SERPINA9: variants seen among roughly 807,000 people sequenced by gnomAD.
SERPINA9 encodes serpin family A member 9.
A neutral mutation model predicts 24.5 loss-of-function variants in SERPINA9; 32 were observed. That is an observed-to-expected ratio of 1.30 (90% confidence interval 0.98 to 1.75). SERPINA9 has a LOEUF of 1.75. Ranked by LOEUF, SERPINA9 falls within the 40% of genes most tolerant of loss-of-function variation. SERPINA9 has a pLI of 0.00. For synonymous variants in SERPINA9, 233 were observed against 197.7 expected (o/e 1.18, Z -1.50); for missense variants, 594 against 497.1 (o/e 1.19, Z -1.85).
rs148074757 is a variant in SERPINA9, at chr14:94,464,015, A to T, written c.1050+692T>A. On this transcript the variant is annotated intron_variant, in intron 4 of 4. Coordinates refer to ENST00000674397, the MANE Select transcript of SERPINA9 (RefSeq NM_175739.4). ...AAAATAAAATTTTAGGTCAGGGATC[A>T]GTAACCCATATGTGTGCAGGGGCTA... 2.6e-5 allele frequency among the ~76,000 whole-genome samples: 4 copies of T among 152,342 alleles called. No homozygotes were observed. In the East Asian group the frequency reaches 7.7e-4, roughly 29 times the overall value.
chr14:94,475,709 C>G (rs1899586814), intron 1 of SERPINA9, among the ~76,000 whole-genome samples: 1 of 152,272 alleles, frequency 6.6e-6, no homozygotes, highest in East Asian at 1.9e-4. Flanking sequence ...CCTCTCTTTT[C>G]TGCACTTAAA....
At chr14:94,475,810 A>G (rs1899602715) in intron 1 of SERPINA9, 2 of 435,436 alleles carry the variant, frequency 4.6e-6, no homozygotes, top group South Asian at 4.8e-5. Context: ...ACACAACAAC[A>G]AAAACACTCC....
intron 1 of SERPINA9, among the ~76,000 whole-genome samples, chr14:94,471,703 G>C (rs1899325444): frequency 6.6e-6 from 1 of 151,834 alleles, no homozygotes; most frequent in African/African-American, 2.4e-5. Flanking sequence ...GTTCTGAACT[G>C]ACCTCCAGAG....
At chr14:94,463,653 G>C (rs922383247) in intron 4 of SERPINA9, among the ~76,000 whole-genome samples, 1 of 152,210 alleles carries the variant, frequency 6.6e-6, no homozygotes, top group Non-Finnish European at 1.5e-5. Context: ...AATTAAGAGA[G>C]ATCATACAAA....
intron 1 of SERPINA9, among the ~76,000 whole-genome samples, chr14:94,475,390 T>C: frequency 6.6e-6 from 1 of 152,238 alleles, no homozygotes; most frequent in Non-Finnish European, 1.5e-5. Flanking sequence ...CTGCTACATG[T>C]GTGCTACATA....
chr14:94,471,724 C>G (rs900132906), intron 1 of SERPINA9, among the ~76,000 whole-genome samples: 3 of 149,242 alleles, frequency 2.0e-5, no homozygotes, highest in Non-Finnish European at 4.5e-5. Flanking sequence ...CTGCCCCCAC[C>G]CTGAGTGCCC....
chr14:94,464,336 C>G, intron 4 of SERPINA9: 1 of 263,004 alleles, frequency 3.8e-6, no homozygotes. Context: ...CACTGAAGGC[C>G]AGACAACACA....
chr14:94,474,390 TC>T (rs1239582055), intron 1 of SERPINA9, among the ~76,000 whole-genome samples: 1 of 152,120 alleles, frequency 6.6e-6, no homozygotes. Context: ...ATGTCCTGAG[TC>T]ATCGATGGTA....
At position 94,467,326 on chromosome 14, in the gene SERPINA9, C is replaced by A. The variant is rs1246870922; in HGVS notation, c.685G>T (p.Val229Leu). ...EYTRKNFPFL[V>L]GEQVTVHVPM... is the part of the protein sequence containing the mutation. Reference sequence around the variant, plus strand: ...ACATGCACAGTGACCTGCTCGCCCACCAGGAATGGGAAGTTCTTTCTTGTA... The same window carrying A: ...ACATGCACAGTGACCTGCTCGCCCAACAGGAATGGGAAGTTCTTTCTTGTA... The change falls in exon 3 of 5, where the codon GTG (valine) becomes TTG (leucine). Residue 229 changes from valine (V) to leucine (L), a missense_variant. Physicochemically the swap from Val to Leu is conservative, Grantham distance 32. Coordinates refer to ENST00000674397, the MANE Select transcript of SERPINA9 (RefSeq NM_175739.4). 2.5e-6 allele frequency: 4 copies of A among 1,613,862 alleles called. No individual in the cohort carries two copies. The highest frequency in any genetic ancestry group is 2.7e-5 in the African/African-American group (2 of 74,926).
intron 2 of SERPINA9, among the ~76,000 whole-genome samples, chr14:94,467,904 AATGGATGCATGG>A (rs1899092408): frequency 8.6e-6 from 1 of 115,842 alleles, no homozygotes; most frequent in African/African-American, 3.4e-5. Context: ...TAGGTGGATG[AATGGATGCATGG>A]ATGGATGGAT....
At chr14:94,476,026 A>C (rs577007824) in intron 1 of SERPINA9, 110 bp downstream of exon 1, 3 of 1,537,022 alleles carry the variant, frequency 2.0e-6, no homozygotes, top group East Asian at 2.3e-5. Flanking sequence ...TTCTCATCTT[A>C]TTTGACTTCC....
At chr14:94,468,770 G>A (rs998227657) in intron 2 of SERPINA9, among the ~76,000 whole-genome samples, 2 of 152,130 alleles carry the variant, frequency 1.3e-5, no homozygotes, top group Admixed American at 1.3e-4. Context: ...CGAATGACAG[G>A]CACATCAGCT....
intron 4 of SERPINA9, chr14:94,464,462 G>A (rs1241706265): frequency 9.1e-6 from 5 of 547,442 alleles, no homozygotes; most frequent in Admixed American, 3.5e-5. Context: ...CTCTCCTGCA[G>A]CAGGCATGGG....
intron 1 of SERPINA9, 157 bp from the exon 2 acceptor site, chr14:94,470,014 C>T (rs1475251830): frequency 1.3e-5 from 9 of 675,692 alleles, no homozygotes; most frequent in East Asian, 8.6e-5. Context: ...ACAATATTCC[C>T]ATGATGTAGA....
chr14:94,475,462 A>T (rs868386317), intron 1 of SERPINA9, among the ~76,000 whole-genome samples: 1 of 151,008 alleles, frequency 6.6e-6, no homozygotes, highest in African/African-American at 2.4e-5. Flanking sequence ...ACACACACAC[A>T]CTGAGCAGAC....
chr14:94,469,336 A>G lies in SERPINA9; in HGVS notation c.505T>C (p.Ser169Pro), dbSNP rs1176631530. 4.3e-6 allele frequency: 7 copies of G among 1,613,950 alleles called. No homozygotes were observed. Among genetic ancestry groups the G allele is most frequent in the Admixed American group, 1.7e-5 (1 of 60,004 alleles). Residue 169 changes from serine to proline, a missense_variant, in exon 2 of 5, where the codon TCC becomes CCC. By Grantham distance (74) the Ser-to-Pro change is moderately conservative. Transcript: ENST00000674397. ...EVFSTDFSNP[S>P]IAQARINSHV... ...CTGTTGATCCTCGCCTGGGCAATGG[A>G]GGGGTTGGAGAAATCTGTAGAAAAG... is the stretch of plus-strand genomic sequence containing the variant.
intron 3 of SERPINA9, 62 bp from the exon 4 acceptor site, chr14:94,464,916 C>A: frequency 4.3e-6 from 6 of 1,409,944 alleles, no homozygotes; most frequent in Non-Finnish European, 4.9e-6. Flanking sequence ...ATCTCTGCTC[C>A]TAGATGCCAT....
intron 1 of SERPINA9, among the ~76,000 whole-genome samples, chr14:94,471,537 T>C (rs1412942686): frequency 6.6e-6 from 1 of 152,216 alleles, no homozygotes; most frequent in African/African-American, 2.4e-5. Flanking sequence ...GAATGAGTAA[T>C]TCTTTTGCAA....
Position 94,463,033 on chromosome 14 carries a change from T to A in SERPINA9, c.*60A>T. The A allele has an allele frequency of 7.3e-7, 1 of 1,371,680 alleles. No individual in the cohort carries two copies. Among genetic ancestry groups the A allele is most frequent in the Non-Finnish European group, 1.0e-6 (1 of 959,234 alleles). The allele number at this position is 1,371,680 out of a possible 1,614,324, so 85.0% of individuals were successfully genotyped here. A position where few individuals can be genotyped will look rare whatever the true frequency, so the allele number is the denominator to read the frequency against. On this transcript the variant is annotated 3_prime_UTR_variant, in exon 5 of 5. Coordinates refer to ENST00000674397, the MANE Select transcript of SERPINA9 (RefSeq NM_175739.4). ...TGCACCCTCAGAACAGAAAGAGGGA[T>A]GTGGTTTGTTATTTCTTGTGCATTA... is the stretch of plus-strand genomic sequence containing the variant.
Sources: gnomAD v4.1 joint callset for allele counts (sites outside exome capture counted in the v4.1 genomes callset) on GRCh38, gnomAD v4.1.1 for gene constraint, MANE v1.5 for transcripts, NCBI Gene and HGNC (gene_info 2026-07-23, HGNC 2026-07-21) for gene names.